The following EYA4 variants were observed in gnomAD, a reference collection of about 807,000 sequenced individuals.
The protein encoded by EYA4 is protein phosphatase EYA4.
A neutral mutation model predicts 87.9 loss-of-function variants in EYA4; 31 were observed. That is an observed-to-expected ratio of 0.35 (90% confidence interval 0.27 to 0.48). The LOEUF is 0.48. EYA4 is among the 20% of genes least tolerant of loss of function. The probability of loss-of-function intolerance (pLI) is 0.99; values close to 1 mark genes in which losing one functional copy is unlikely to be tolerated. For missense variants in EYA4, 678 were observed against 761.4 expected (o/e 0.89, Z 1.29); for synonymous variants, 263 against 270.6 (o/e 0.97, Z 0.28).
At position 133,274,832 on chromosome 6, in the gene EYA4, T is replaced by C. The variant is rs772392856; in HGVS notation, c.33+19T>C. 11 of 1,611,644 alleles carry C rather than the reference T, an allele frequency of 6.8e-6. No individual in the cohort carries two copies. The East Asian group carries it at 2.5e-4, about 36-fold the overall frequency. ...ACAATCAGTAAGTCTTCATTCTCAG[T>C]TTTGCTGAAAAAAGTTGCGATAACA... On this transcript the variant is annotated intron_variant, in intron 2 of 19. Coordinates refer to ENST00000355286, the MANE Select transcript of EYA4 (RefSeq NM_004100.5).
chr6:133,383,873 G>C (rs1241434705), intron 3 of EYA4, among the ~76,000 whole-genome samples: 1 of 152,132 alleles, frequency 6.6e-6, no homozygotes, highest in Non-Finnish European at 1.5e-5. Context: ...TAGGATGTGC[G>C]AACAGAAGGG....
At chr6:133,500,160 G>A (rs906249758) in intron 13 of EYA4, among the ~76,000 whole-genome samples, 6 of 151,562 alleles carry the variant, frequency 4.0e-5, no homozygotes, top group East Asian at 1.9e-4. Context: ...TCTCAATTTC[G>A]TTTGTACATT....
chr6:133,511,564 C>T (rs998124373), intron 14 of EYA4: 20 of 151,836 alleles, frequency 1.3e-4, no homozygotes, highest in Non-Finnish European at 1.8e-4. Context: ...TGTAATATTG[C>T]GCTGGAACTT....
intron 2 of EYA4, among the ~76,000 whole-genome samples, chr6:133,337,530 A>G (rs1782461540): frequency 6.6e-6 from 1 of 152,180 alleles, no homozygotes; most frequent in Non-Finnish European, 1.5e-5. Context: ...GGTATTAGAC[A>G]TCATGGGTTT....
At chr6:133,263,712 T>G (rs988499222) in intron 1 of EYA4, among the ~76,000 whole-genome samples, 14 of 152,204 alleles carry the variant, frequency 9.2e-5, no homozygotes, top group African/African-American at 3.1e-4. Context: ...TTCTGAAAAT[T>G]TACTTGCAGT....
intron 2 of EYA4, among the ~76,000 whole-genome samples, chr6:133,313,140 A>G (rs974876646): frequency 1.3e-5 from 2 of 152,210 alleles, no homozygotes; most frequent in African/African-American, 4.8e-5. Flanking sequence ...TATTGGACTT[A>G]TAAGGTATGG....
intron 3 of EYA4, among the ~76,000 whole-genome samples, chr6:133,439,705 A>ATATAAACAT (rs1792076951): frequency 6.6e-6 from 1 of 152,194 alleles, no homozygotes; most frequent in African/African-American, 2.4e-5. Context: ...GAGGTCAGTT[A>ATATAAACAT]TATAAACATG....
At chr6:133,463,962 A>AG (rs760108833) in intron 9 of EYA4, among the ~76,000 whole-genome samples, 1 of 146,318 alleles carries the variant, frequency 6.8e-6, no homozygotes, top group Non-Finnish European at 1.5e-5. Context: ...GACAGACAGT[A>AG]TTTTTTTTTT....
intron 2 of EYA4, among the ~76,000 whole-genome samples, chr6:133,375,014 A>T (rs1785563947): frequency 6.6e-6 from 1 of 152,014 alleles, no homozygotes; most frequent in African/African-American, 2.4e-5. Flanking sequence ...TATATTTTTT[A>T]AAACTCTTGG....
chr6:133,485,830 T>C (rs966858676), intron 13 of EYA4, among the ~76,000 whole-genome samples: 5 of 152,174 alleles, frequency 3.3e-5, no homozygotes, highest in Admixed American at 6.5e-5. Flanking sequence ...TCAGAGGCAC[T>C]ATTGGAAGGG....
chr6:133,391,080 A>G (rs1455321750), intron 3 of EYA4, among the ~76,000 whole-genome samples: 1 of 152,206 alleles, frequency 6.6e-6, no homozygotes, highest in African/African-American at 2.4e-5. Context: ...TTAGAAAGTT[A>G]GGGTAGGTTA....
intron 2 of EYA4, among the ~76,000 whole-genome samples, chr6:133,276,274 CG>C (rs1777156247): frequency 6.6e-6 from 1 of 152,056 alleles, no homozygotes; most frequent in Non-Finnish European, 1.5e-5. Context: ...GAGTGACCAA[CG>C]TTTTTTTGTT....
intron 2 of EYA4, among the ~76,000 whole-genome samples, chr6:133,283,359 T>G (rs976293382): frequency 6.6e-6 from 1 of 152,076 alleles, no homozygotes; most frequent in African/African-American, 2.4e-5. Flanking sequence ...TATAATCTCT[T>G]TCATGGTTTA....
rs1371676899 is a variant in EYA4, at chr6:133,340,112, C to A, written c.34-42280C>A. On this transcript the variant is annotated intron_variant, in intron 2 of 19. Coordinates refer to ENST00000355286, the MANE Select transcript of EYA4 (RefSeq NM_004100.5). The stretch of plus-strand genomic sequence containing the variant: ...GTCACACTATCAGAAGTAATCATAT[C>A]CATTACAGGGGTTAAAACGAAATTG... Among the ~76,000 whole-genome samples the A allele has an allele frequency of 4.6e-5, 7 of 152,092 alleles. No homozygotes were observed. In the East Asian group the frequency reaches 1.3e-3, roughly 29 times the overall value.
chr6:133,302,799 G>A (rs572584085), intron 2 of EYA4, among the ~76,000 whole-genome samples: 7 of 152,218 alleles, frequency 4.6e-5, no homozygotes, highest in South Asian at 2.1e-4. Context: ...TGAAAAGTTC[G>A]TAGAATTTTA....
chr6:133,383,517 C>CAAAAAAAAAA (rs768724484), intron 3 of EYA4, among the ~76,000 whole-genome samples: 1,464 of 45,220 alleles, frequency 0.032, 357 homozygotes, highest in East Asian at 0.096. Context: ...GACTCCATCT[C>CAAAAAAAAAA]AAAAAAAAAA....
intron 1 of EYA4, among the ~76,000 whole-genome samples, chr6:133,267,997 G>A (rs949204375): frequency 1.3e-5 from 2 of 152,096 alleles, no homozygotes; most frequent in African/African-American, 4.8e-5. Flanking sequence ...CTGATATTAA[G>A]TATTATCAAT....
In EYA4 at chr6:133,531,320, A is replaced by T; in HGVS notation, c.*2515A>T. ...ATCACAGCTTGGCCATGGGACGTTGAGTATGCACAAACTAGAACTCTTCCC... is the reference window on the plus strand; with the variant it reads ...ATCACAGCTTGGCCATGGGACGTTGTGTATGCACAAACTAGAACTCTTCCC... On this transcript the variant is annotated 3_prime_UTR_variant, in exon 20 of 20. Coordinates refer to ENST00000355286, the MANE Select transcript of EYA4 (RefSeq NM_004100.5). 1 of 894,644 alleles carries T rather than the reference A, an allele frequency of 1.1e-6. No homozygotes were observed. The allele number at this position is 894,644 out of a possible 1,614,324, so 55.4% of individuals were successfully genotyped here.
At chr6:133,415,320 A>G (rs992735145) in intron 3 of EYA4, among the ~76,000 whole-genome samples, 1 of 152,118 alleles carries the variant, frequency 6.6e-6, no homozygotes, top group Non-Finnish European at 1.5e-5. Flanking sequence ...GTAGTTCCCC[A>G]TTCCTCTCAG....
Sources: allele counts gnomAD v4.1 joint callset (sites outside exome capture counted in the v4.1 genomes callset), GRCh38; gene constraint gnomAD v4.1.1; transcripts MANE v1.5; gene names NCBI Gene and HGNC (gene_info 2026-07-23, HGNC 2026-07-21).